DENND1B: variants seen among roughly 807,000 people sequenced by gnomAD.
DENND1B encodes the protein DENN domain-containing protein 1B.
A neutral mutation model predicts 90.1 loss-of-function variants in DENND1B; 59 were observed. The observed-to-expected ratio is 0.65, with a 90% CI of 0.53 to 0.81. The LOEUF (loss-of-function observed/expected upper bound fraction) is 0.81. DENND1B is among the 40% of genes least tolerant of loss of function. The probability of loss-of-function intolerance (pLI) is 0.00; values close to 1 mark genes in which losing one functional copy is unlikely to be tolerated. For missense variants in DENND1B, 862 were observed against 912.6 expected (o/e 0.94, Z 0.71); for synonymous variants, 337 against 324.6 (o/e 1.04, Z -0.41).
chr1:197,660,485 A>T (rs1231841303), intron 5 of DENND1B, among the ~76,000 whole-genome samples: 1 of 152,132 alleles, frequency 6.6e-6, no homozygotes, highest in African/African-American at 2.4e-5. Context: ...TTCATTTTAA[A>T]GAATGACTGG....
In DENND1B at chr1:197,505,284, T is replaced by C. The variant is rs1667678127; in HGVS notation, c.*5176A>G. ...AGAAGGATGGTGACTTGACATGTGA[T>C]GCACTAAACATGCAGGTTTTAAATT... is the stretch of plus-strand genomic sequence containing the variant. On this transcript the variant is annotated 3_prime_UTR_variant, in exon 23 of 23. Coordinates refer to ENST00000620048, the MANE Select transcript of DENND1B (RefSeq NM_001195215.2). 6.6e-6 allele frequency: 1 copy of C among 151,782 alleles called. No homozygotes were observed. The highest frequency in any genetic ancestry group is 1.5e-5 in the Non-Finnish European group (1 of 67,796). 9.4% of individuals were successfully genotyped at this position (151,782 alleles called of 1,614,324 possible).
chr1:197,647,013 A>G (rs1680779955), intron 8 of DENND1B, 42 bp downstream of exon 8: 1 of 1,406,222 alleles, frequency 7.1e-7, no homozygotes, highest in Non-Finnish European at 9.4e-7. Flanking sequence ...TATTTTTCCT[A>G]TTTAATAGTG....
intron 15 of DENND1B, among the ~76,000 whole-genome samples, chr1:197,571,729 AAAAT>A (rs1395913028): frequency 2.0e-5 from 3 of 152,220 alleles, no homozygotes; most frequent in African/African-American, 7.2e-5. Context: ...CACCTGACAC[AAAAT>A]AAATAATCCA....
In DENND1B at chr1:197,507,141, G is replaced by A. The variant is rs1463846230; in HGVS notation, c.*3319C>T. The A allele has an allele frequency of 2.0e-5, 3 of 147,732 alleles. No individual in the cohort carries two copies. The highest frequency in any genetic ancestry group is 4.5e-5 in the Non-Finnish European group (3 of 66,728). 9.2% of individuals were successfully genotyped at this position (147,732 alleles called of 1,614,324 possible). A position where few individuals can be genotyped will look rare whatever the true frequency, so the allele number is the denominator to read the frequency against. ...TAGAATCTCAGCTAATAACTTCCAG[G>A]CAAAACACATTATTATTATTATTAT... On this transcript the variant is annotated 3_prime_UTR_variant, in exon 23 of 23. Transcript: ENST00000620048.
At chr1:197,581,903 C>T (rs1006542468) in intron 15 of DENND1B, among the ~76,000 whole-genome samples, 1 of 152,180 alleles carries the variant, frequency 6.6e-6, no homozygotes, top group African/African-American at 2.4e-5. Flanking sequence ...ACTCAACAAG[C>T]ATGCACTGCA....
At chr1:197,620,262 T>C (rs1678036369) in intron 10 of DENND1B, among the ~76,000 whole-genome samples, 3 of 151,098 alleles carry the variant, frequency 2.0e-5, no homozygotes, top group Admixed American at 1.3e-4. Flanking sequence ...TGCAAGTAAA[T>C]AAAATAAAAC....
At chr1:197,724,450 G>C (rs987024403) in intron 2 of DENND1B, among the ~76,000 whole-genome samples, 2 of 152,018 alleles carry the variant, frequency 1.3e-5, no homozygotes, top group Non-Finnish European at 2.9e-5. Flanking sequence ...ATTTATCTTT[G>C]TATCTACAAA....
intron 3 of DENND1B, among the ~76,000 whole-genome samples, chr1:197,697,192 C>T (rs1000150836): frequency 6.6e-6 from 1 of 151,356 alleles, no homozygotes; most frequent in African/African-American, 2.4e-5. Flanking sequence ...CACAGTGCTT[C>T]AGACAGACCT....
intron 2 of DENND1B, among the ~76,000 whole-genome samples, chr1:197,741,038 T>C (rs1663162784): frequency 6.6e-6 from 1 of 152,164 alleles, no homozygotes; most frequent in South Asian, 2.1e-4. Flanking sequence ...AAGCTTTTCA[T>C]ATGAAGACTA....
chr1:197,682,072 T>G (rs909868577), intron 3 of DENND1B, among the ~76,000 whole-genome samples: 2 of 152,094 alleles, frequency 1.3e-5, no homozygotes, highest in East Asian at 3.9e-4. Context: ...CAGATAGGAC[T>G]CTTGTGGTTT....
intron 15 of DENND1B, among the ~76,000 whole-genome samples, chr1:197,581,703 T>C (rs1411254685): frequency 6.6e-6 from 1 of 152,166 alleles, no homozygotes; most frequent in Non-Finnish European, 1.5e-5. Flanking sequence ...AAAATTACTG[T>C]TTTATTAACT....
chr1:197,704,651 A>T (rs987613467), intron 3 of DENND1B, among the ~76,000 whole-genome samples: 2 of 152,246 alleles, frequency 1.3e-5, no homozygotes, highest in African/African-American at 2.4e-5. Flanking sequence ...ACATACTGCG[A>T]GAAGCGTATA....
chr1:197,735,588 G>A (rs942721163), intron 2 of DENND1B: 2 of 1,614,034 alleles, frequency 1.2e-6, no homozygotes, highest in South Asian at 1.1e-5. Context: ...GGTATTACTC[G>A]AAAATACAGG....
chr1:197,626,110 C>G (rs12035673), intron 10 of DENND1B, among the ~76,000 whole-genome samples: 24,119 of 151,922 alleles, frequency 0.16, 2,197 homozygotes, highest in Non-Finnish European at 0.2. Context: ...TTAGACAGAT[C>G]AACGAGACAG....
rs777682541 is a variant in DENND1B, at chr1:197,507,948, T to C, written c.*2512A>G. On this transcript the variant is annotated 3_prime_UTR_variant, in exon 23 of 23. Transcript: ENST00000620048. ...TGTTTTTAAAATAGAATAAAACTGC[T>C]AATTTTGCATTAAAATAAGGCACAA... The C allele has an allele frequency of 5.9e-5, 9 of 151,794 alleles. No individual in the cohort carries two copies. The highest frequency in any genetic ancestry group is 4.1e-4 in the South Asian group (2 of 4,830). 9.4% of individuals were successfully genotyped at this position (151,794 alleles called of 1,614,324 possible). A position where few individuals can be genotyped will look rare whatever the true frequency, so the allele number is the denominator to read the frequency against.
chr1:197,736,553 G>T (rs951514541), intron 2 of DENND1B, among the ~76,000 whole-genome samples: 11 of 152,128 alleles, frequency 7.2e-5, no homozygotes, highest in South Asian at 6.2e-4. Context: ...GTCCAAACTG[G>T]TCTTGAATTC....
Position 197,606,866 on chromosome 1 carries a change from T to A in DENND1B, c.921+207A>T, listed in dbSNP as rs539930973. Reference sequence around the variant, plus strand: ...AGCTTTTTAATTATGATCTTACTTTTACAATAAGGAATATGATGTTCCATT... The same window carrying A: ...AGCTTTTTAATTATGATCTTACTTTAACAATAAGGAATATGATGTTCCATT... On this transcript the variant is annotated intron_variant, in intron 13 of 22. Transcript: ENST00000620048. 1.2e-4 allele frequency: 57 copies of A among 469,802 alleles called. 1 individual carries two copies. In the South Asian group the frequency reaches 1.9e-3, roughly 16 times the overall value. The allele number at this position is 469,802 out of a possible 1,614,324, so 29.1% of individuals were successfully genotyped here. A position where few individuals can be genotyped will look rare whatever the true frequency, so the allele number is the denominator to read the frequency against.
intron 6 of DENND1B, 41 bp from the exon 7 acceptor site, chr1:197,652,356 T>C (rs747501187): frequency 7.3e-6 from 11 of 1,509,212 alleles, no homozygotes; most frequent in South Asian, 4.8e-5. Flanking sequence ...ATAAAACATA[T>C]ACCAAGCAAC....
At chr1:197,537,680 TA>T (rs1457583819) in intron 20 of DENND1B, among the ~76,000 whole-genome samples, 3 of 151,804 alleles carry the variant, frequency 2.0e-5, no homozygotes, top group African/African-American at 2.4e-5. Context: ...ATATATATAA[TA>T]AAAAAAGAAA....
Sources: gnomAD v4.1 joint callset for allele counts (sites outside exome capture counted in the v4.1 genomes callset) on GRCh38, gnomAD v4.1.1 for gene constraint, MANE v1.5 for transcripts, NCBI Gene and HGNC (gene_info 2026-07-23, HGNC 2026-07-21) for gene names.